The following DTNA variants were observed in gnomAD, a reference collection of about 807,000 sequenced individuals.
DTNA encodes dystrobrevin alpha, also known as dystrophin-related protein 3.
A neutral mutation model predicts 100.7 loss-of-function variants in DTNA; 43 were observed. The ratio of observed to expected loss-of-function variants is 0.43; its 90% confidence interval spans 0.33 to 0.55. The LOEUF (loss-of-function observed/expected upper bound fraction) is 0.55, where lower values mean the gene tolerates loss of function less well. Ranked by LOEUF, DTNA falls within the 20% of genes least tolerant of loss-of-function variation. The pLI, the probability that DTNA is intolerant of heterozygous loss-of-function variation, is 0.04. For synonymous variants in DTNA, 349 were observed against 347.9 expected, an observed-to-expected ratio of 1.00 and a Z score of -0.04; for missense variants, 798 against 953.9, an observed-to-expected ratio of 0.84 and a Z score of 2.15.
At chr18:34,745,564 G>A (rs1349134598) in intron 1 of DTNA, among the ~76,000 whole-genome samples, 1 of 152,176 alleles carries the variant, frequency 6.6e-6, no homozygotes, top group East Asian at 1.9e-4. Flanking sequence ...TGATTATTGG[G>A]TTGTGTATCC....
intron 1 of DTNA, among the ~76,000 whole-genome samples, chr18:34,661,629 A>C (rs1354862168): frequency 6.6e-6 from 1 of 152,150 alleles, no homozygotes; most frequent in Non-Finnish European, 1.5e-5. Flanking sequence ...ATGAGTTTTC[A>C]ATAAACAGGA....
intron 17 of DTNA, chr18:34,865,961 C>T: frequency 1.2e-6 from 1 of 849,256 alleles, no homozygotes; most frequent in South Asian, 1.4e-5. Flanking sequence ...ACCAAGTAGA[C>T]TTGGAGTGAT....
chr18:34,742,130 G>T (rs2147777158), intron 1 of DTNA, among the ~76,000 whole-genome samples: 1 of 152,306 alleles, frequency 6.6e-6, no homozygotes, highest in South Asian at 2.1e-4. Context: ...AGCCTTAGGA[G>T]AGACTTCTTA....
intron 1 of DTNA, among the ~76,000 whole-genome samples, chr18:34,688,710 TCTC>T (rs2145775733): frequency 6.6e-6 from 1 of 152,268 alleles, no homozygotes; most frequent in Admixed American, 6.5e-5. Flanking sequence ...TTGAGGAAGT[TCTC>T]CTGAATAATA....
At chr18:34,778,984 A>ATTT (rs567464632) in intron 3 of DTNA, among the ~76,000 whole-genome samples, 146 of 147,438 alleles carry the variant, frequency 9.9e-4, no homozygotes, top group Admixed American at 2.0e-3. Flanking sequence ...TGCCCAGCTA[A>ATTT]TTTTTTTTTT....
intron 6 of DTNA, among the ~76,000 whole-genome samples, chr18:34,813,577 G>T (rs375694437): frequency 1.2e-4 from 18 of 152,028 alleles, no homozygotes; most frequent in Middle Eastern, 3.4e-3. Flanking sequence ...TCAATAGGCC[G>T]GGTGAGGTGG....
At chr18:34,498,047 A>C (rs570452257) in intron 1 of DTNA, among the ~76,000 whole-genome samples, 2 of 152,034 alleles carry the variant, frequency 1.3e-5, no homozygotes, top group African/African-American at 2.4e-5. Flanking sequence ...TTGGGAGGCC[A>C]AGGTGGATGG....
intron 14 of DTNA, 149 bp downstream of exon 14, chr18:34,848,532 G>A (rs2096420744): frequency 1.1e-6 from 1 of 914,194 alleles, no homozygotes; most frequent in Admixed American, 2.0e-5. Flanking sequence ...AGTTTGTGGT[G>A]TCTTGGTGGT....
intron 9 of DTNA, among the ~76,000 whole-genome samples, chr18:34,826,315 T>G (rs2095857312): frequency 1.3e-5 from 2 of 152,156 alleles, no homozygotes; most frequent in Non-Finnish European, 2.9e-5. Context: ...TGTGAGATTT[T>G]GGTGCACCCA....
In DTNA at chr18:34,769,725, C is replaced by CTTTTTTTTTTTTTTATTTTTTTTTTTTT. The variant is rs2093664998; in HGVS notation, c.148+3698_148+3699insATTTTTTTTTTTTTTTTTTTTTTTTTTT. On this transcript the variant is annotated intron_variant, in intron 3 of 22. Coordinates refer to ENST00000444659, the MANE Select transcript of DTNA (RefSeq NM_001386795.1). ...GAAGAAGCAAGGCAGCCCTCTGGGG[C>CTTTTTTTTTTTTTTATTTTTTTTTTTTT]TTTTTTTTTTTTTTTGACAGAGTTT... is the stretch of plus-strand genomic sequence containing the variant. Among the ~76,000 whole-genome samples the CTTTTTTTTTTTTTTATTTTTTTTTTTTT allele has an allele frequency of 3.7e-5, 2 of 53,872 alleles. 1 individual carries two copies. Among genetic ancestry groups the CTTTTTTTTTTTTTTATTTTTTTTTTTTT allele is most frequent in the Admixed American group, 6.1e-4 (2 of 3,300 alleles). The allele number at this position is 53,872 out of a possible 152,430, so 35.3% of individuals were successfully genotyped here.
At chr18:34,563,013 G>C (rs2046775458) in intron 1 of DTNA, among the ~76,000 whole-genome samples, 1 of 152,174 alleles carries the variant, frequency 6.6e-6, no homozygotes, top group Admixed American at 6.5e-5. Flanking sequence ...ATGAGTTACG[G>C]CGTGAATTTG....
intron 22 of DTNA, among the ~76,000 whole-genome samples, chr18:34,886,922 T>C (rs1185757367): frequency 6.6e-6 from 1 of 152,240 alleles, no homozygotes; most frequent in Non-Finnish European, 1.5e-5. Context: ...TTAGGCCAGT[T>C]TATTTCATTA....
intron 1 of DTNA, among the ~76,000 whole-genome samples, chr18:34,672,830 G>C (rs1353807457): frequency 6.6e-6 from 1 of 151,902 alleles, no homozygotes. Context: ...ACATATGTCT[G>C]TGTGTGTGTA....
At chr18:34,556,096 G>A (rs1428188304) in intron 1 of DTNA, among the ~76,000 whole-genome samples, 3 of 151,394 alleles carry the variant, frequency 2.0e-5, no homozygotes, top group Admixed American at 1.3e-4. Flanking sequence ...AGCTCTTCTT[G>A]TTGAATTGAT....
At chr18:34,636,317 A>G (rs913269218) in intron 1 of DTNA, among the ~76,000 whole-genome samples, 1 of 152,022 alleles carries the variant, frequency 6.6e-6, no homozygotes, top group African/African-American at 2.4e-5. Flanking sequence ...GTTTCACCAC[A>G]TTGATCAGGC....
intron 1 of DTNA, among the ~76,000 whole-genome samples, chr18:34,611,875 C>G (rs1050085719): frequency 6.6e-6 from 1 of 152,184 alleles, no homozygotes; most frequent in South Asian, 2.1e-4. Flanking sequence ...TCGGGCATCT[C>G]GCTGGGCAGG....
intron 1 of DTNA, among the ~76,000 whole-genome samples, chr18:34,506,990 A>G (rs1488064638): frequency 1.3e-5 from 2 of 152,188 alleles, no homozygotes; most frequent in African/African-American, 4.8e-5. Flanking sequence ...TCAGAGGGTT[A>G]CTGCTTATCT....
At chr18:34,801,765 T>C (rs971013117) in intron 4 of DTNA, among the ~76,000 whole-genome samples, 2 of 152,112 alleles carry the variant, frequency 1.3e-5, no homozygotes, top group African/African-American at 4.8e-5. Flanking sequence ...CACCTCAGTC[T>C]CCCAAAGTGC....
intron 4 of DTNA, among the ~76,000 whole-genome samples, chr18:34,798,587 C>T (rs1377760100): frequency 6.6e-6 from 1 of 152,154 alleles, no homozygotes; most frequent in Non-Finnish European, 1.5e-5. Context: ...TAAGACAGTT[C>T]TTCATAAAGT....
Sources: gnomAD v4.1 joint callset for allele counts (sites outside exome capture counted in the v4.1 genomes callset) on GRCh38, gnomAD v4.1.1 for gene constraint, MANE v1.5 for transcripts, NCBI Gene and HGNC (gene_info 2026-07-23, HGNC 2026-07-21) for gene names.